Variants in CDC42BPA observed in about 807,000 individuals in gnomAD.
CDC42BPA encodes serine/threonine-protein kinase MRCK alpha.
A neutral mutation model predicts 223.5 loss-of-function variants in CDC42BPA; 80 were observed. The observed-to-expected ratio is 0.36, with a 90% CI of 0.30 to 0.43. CDC42BPA has a LOEUF of 0.43. Among genes scored for constraint, CDC42BPA ranks in the 20% least tolerant of loss-of-function variants. CDC42BPA has a pLI of 1.00. For missense variants in CDC42BPA, 1,743 were observed against 2,099.9 expected (o/e 0.83, Z 3.32); for synonymous variants, 694 against 718.6 (o/e 0.97, Z 0.55).
intron 5 of CDC42BPA, among the ~76,000 whole-genome samples, chr1:227,167,697 T>A (rs73086792): frequency 0.066 from 10,054 of 152,236 alleles, 867 homozygotes; most frequent in African/African-American, 0.2. Context: ...AAATCTCTGA[T>A]GAGTTCAAGA....
At chr1:227,244,905 TGTC>T (rs1441147514) in intron 2 of CDC42BPA, among the ~76,000 whole-genome samples, 1 of 152,204 alleles carries the variant, frequency 6.6e-6, no homozygotes, top group Non-Finnish European at 1.5e-5. Context: ...AGTGCTGCCC[TGTC>T]ACAGCAGAGA....
chr1:227,233,347 T>C (rs1011499437), intron 2 of CDC42BPA, among the ~76,000 whole-genome samples: 13 of 152,126 alleles, frequency 8.5e-5, no homozygotes, highest in African/African-American at 3.1e-4. Context: ...TCTATTTCTT[T>C]TCTTAATGGA....
intron 1 of CDC42BPA, among the ~76,000 whole-genome samples, chr1:227,277,435 T>G (rs1196471397): frequency 1.3e-5 from 2 of 152,188 alleles, no homozygotes; most frequent in Non-Finnish European, 2.9e-5. Flanking sequence ...TACTTAAAAC[T>G]TACAAGGACA....
intron 21 of CDC42BPA, among the ~76,000 whole-genome samples, chr1:227,053,438 G>A (rs924232515): frequency 3.9e-5 from 6 of 152,066 alleles, no homozygotes; most frequent in Non-Finnish European, 7.4e-5. Flanking sequence ...TAGGGGTCTT[G>A]GAGCAGCAAC....
chr1:227,172,496 A>C (rs1357807885), intron 5 of CDC42BPA, among the ~76,000 whole-genome samples: 2 of 152,238 alleles, frequency 1.3e-5, no homozygotes, highest in South Asian at 2.1e-4. Context: ...AATTCAAAGA[A>C]AGACTACTAT....
chr1:227,076,990 A>G (rs1226480859), intron 17 of CDC42BPA, among the ~76,000 whole-genome samples: 2 of 152,204 alleles, frequency 1.3e-5, no homozygotes, highest in African/African-American at 4.8e-5. Flanking sequence ...CAGAAGGCCA[A>G]CTTAGATCTA....
rs979165018 is a variant in CDC42BPA, at chr1:226,994,543, T to C, written c.5134-144A>G. On this transcript the variant is annotated intron_variant, in intron 36 of 36. Transcript: ENST00000366766. This position sits in a 1 kb window ranked among gnomAD's most constrained non-coding sequence, Gnocchi z 4.0. ...CACTGTCGGTATAAAGCCCCTTCTA[T>C]GAGCTGAGGAAGAGGCACGGAACAT... 7 of 970,674 alleles carry C rather than the reference T, an allele frequency of 7.2e-6. No homozygotes were observed. The highest frequency in any genetic ancestry group is 3.3e-5 in the African/African-American group (2 of 60,200). The allele number at this position is 970,674 out of a possible 1,614,324, so 60.1% of individuals were successfully genotyped here. A position where few individuals can be genotyped will look rare whatever the true frequency, so the allele number is the denominator to read the frequency against.
chr1:227,144,341 CTGA>C (rs1332105385), intron 8 of CDC42BPA, among the ~76,000 whole-genome samples: 1 of 151,910 alleles, frequency 6.6e-6, no homozygotes, highest in Admixed American at 6.6e-5. Flanking sequence ...CTTTGGGAGG[CTGA>C]GGAGGGCGGA....
intron 2 of CDC42BPA, among the ~76,000 whole-genome samples, chr1:227,222,636 T>A (rs1176165209): frequency 6.6e-6 from 1 of 152,242 alleles, no homozygotes; most frequent in African/African-American, 2.4e-5. Context: ...AAGAAGACTT[T>A]AGACACACAG....
intron 19 of CDC42BPA, among the ~76,000 whole-genome samples, chr1:227,073,113 C>T (rs754129971): frequency 3.3e-5 from 5 of 152,048 alleles, no homozygotes; most frequent in Non-Finnish European, 7.4e-5. Flanking sequence ...AATTCATGGG[C>T]CTGCATTTCT....
At chr1:227,244,017 TAAAA>T (rs78926711) in intron 2 of CDC42BPA, among the ~76,000 whole-genome samples, 1 of 128,576 alleles carries the variant, frequency 7.8e-6, no homozygotes, top group Non-Finnish European at 1.7e-5. Flanking sequence ...AAAACTAAAG[TAAAA>T]AAAAAAAAAG....
intron 2 of CDC42BPA, chr1:227,234,785 T>A (rs983636348): frequency 6.6e-6 from 1 of 152,228 alleles, no homozygotes; most frequent in African/African-American, 2.4e-5. Context: ...TGACAAGCAC[T>A]ACAGCAATGG....
intron 5 of CDC42BPA, among the ~76,000 whole-genome samples, chr1:227,172,807 T>A (rs750831362): frequency 6.6e-6 from 1 of 152,222 alleles, no homozygotes; most frequent in Non-Finnish European, 1.5e-5. Context: ...AATTATTTTA[T>A]GCTTCTCATT....
intron 5 of CDC42BPA, among the ~76,000 whole-genome samples, chr1:227,177,134 A>ATAT (rs1553378325): frequency 0.014 from 1,558 of 109,658 alleles, 22 homozygotes; most frequent in African/African-American, 0.044. Flanking sequence ...TAAGAAAAAA[A>ATAT]AAATATATAT....
intron 11 of CDC42BPA, among the ~76,000 whole-genome samples, chr1:227,125,719 C>T (rs1253656050): frequency 6.6e-6 from 1 of 151,746 alleles, no homozygotes; most frequent in Admixed American, 6.6e-5. Flanking sequence ...GGAACCTGGA[C>T]TTCTACCTCC....
chr1:227,100,133 G>C (rs1684746469), intron 15 of CDC42BPA, among the ~76,000 whole-genome samples: 1 of 151,918 alleles, frequency 6.6e-6, no homozygotes. Context: ...AATTTCTCCT[G>C]CTCCCTCATT....
At chr1:227,217,718 C>G (rs560012884) in intron 2 of CDC42BPA, among the ~76,000 whole-genome samples, 1 of 152,234 alleles carries the variant, frequency 6.6e-6, no homozygotes, top group African/African-American at 2.4e-5. Flanking sequence ...TGCTACTCTC[C>G]CCCTGGTTCA....
At chr1:227,016,032 C>A in intron 34 of CDC42BPA, 48 bp downstream of exon 34, 1 of 929,338 alleles carries the variant, frequency 1.1e-6, no homozygotes. Flanking sequence ...TGTATTTATA[C>A]TCCCCCCACA....
chr1:227,060,724 T>TC, intron 21 of CDC42BPA, among the ~76,000 whole-genome samples: 1 of 140,622 alleles, frequency 7.1e-6, no homozygotes, highest in East Asian at 2.0e-4. Flanking sequence ...GTACTTTTTT[T>TC]TTTTTTTTTT....
Sources: gnomAD v4.1 joint callset for allele counts (sites outside exome capture counted in the v4.1 genomes callset) on GRCh38, gnomAD v4.1.1 for gene constraint, Gnocchi (gnomAD v3.1) non-coding constraint, MANE v1.5 for transcripts, NCBI Gene and HGNC (gene_info 2026-07-23, HGNC 2026-07-21) for gene names.